SHB: variants seen among roughly 807,000 people sequenced by gnomAD.
SHB encodes the protein SH2 domain containing adaptor protein B.
In SHB, 20 loss-of-function variants were observed where a neutral mutation model predicts 52.3. That is an observed-to-expected ratio of 0.38 (90% CI 0.27 to 0.56). SHB has a LOEUF of 0.56. SHB is among the 20% of genes least tolerant of loss of function. SHB has a pLI of 0.71. For missense variants in SHB, 825 were observed against 723.3 expected, an observed-to-expected ratio of 1.14 and a Z score of -1.61; for synonymous variants, 397 against 316.5, an observed-to-expected ratio of 1.25 and a Z score of -2.70.
intron 3 of SHB, among the ~76,000 whole-genome samples, chr9:37,966,615 C>A (rs1264380822): frequency 1.3e-5 from 2 of 152,166 alleles, no homozygotes; most frequent in Non-Finnish European, 2.9e-5. Flanking sequence ...GGTACCAACA[C>A]AATTGTTAAT....
chr9:38,000,263 A>G (rs1034641999), intron 2 of SHB, among the ~76,000 whole-genome samples: 5 of 152,252 alleles, frequency 3.3e-5, no homozygotes, highest in Non-Finnish European at 7.3e-5. Flanking sequence ...GCTCTTTGCT[A>G]AAGCAGGGAC....
At chr9:38,019,270 A>G (rs1312039413) in intron 1 of SHB, among the ~76,000 whole-genome samples, 1 of 152,250 alleles carries the variant, frequency 6.6e-6, no homozygotes, top group Non-Finnish European at 1.5e-5. Flanking sequence ...ACCCCAGGTC[A>G]GCCCAAAGCC....
At chr9:38,057,813 TGTACCA>T (rs926130372) in intron 1 of SHB, among the ~76,000 whole-genome samples, 71 of 152,364 alleles carry the variant, frequency 4.7e-4, no homozygotes, top group African/African-American at 1.4e-3. Flanking sequence ...CCATAGCCCA[TGTACCA>T]GTGAACCCAC....
At chr9:38,017,452 T>C (rs1269788302) in intron 1 of SHB, among the ~76,000 whole-genome samples, 1 of 152,208 alleles carries the variant, frequency 6.6e-6, no homozygotes, top group Non-Finnish European at 1.5e-5. Context: ...AAATGGCAGC[T>C]TGTGGCAGCC....
rs532728083 is a variant in SHB at position 38,062,382 on chromosome 9, A to G, written c.717+5547T>C. 1.0e-3 allele frequency among the ~76,000 whole-genome samples: 154 copies of G among 152,264 alleles called. 1 individual carries two copies. Among genetic ancestry groups the G allele is most frequent in the South Asian group, 4.8e-3 (23 of 4,818 alleles). ...CTTGCCTGTATCCCTGCCCTTTGCC[A>G]TGGGACACTGCAGCTCCTCCTCTCT... On this transcript the variant is annotated intron_variant, in intron 1 of 5. Coordinates refer to ENST00000377707, the MANE Select transcript of SHB (RefSeq NM_003028.3).
At chr9:37,930,344 G>A (rs912962981) in intron 5 of SHB, among the ~76,000 whole-genome samples, 4 of 152,120 alleles carry the variant, frequency 2.6e-5, no homozygotes, top group African/African-American at 4.8e-5. Context: ...CCTCTATTGC[G>A]GAGGATTCTC....
intron 1 of SHB, among the ~76,000 whole-genome samples, chr9:38,016,889 C>A (rs1821220838): frequency 6.6e-6 from 1 of 152,224 alleles, no homozygotes; most frequent in Non-Finnish European, 1.5e-5. Flanking sequence ...TAGTCCAGAA[C>A]ACAGCCCCTG....
At position 38,068,831 on chromosome 9, in the gene SHB, G is replaced by C. The variant is rs1422890295; in HGVS notation, c.-186C>G. ...CTCCTGCCGGCAGCTCTCTGGCTCC[G>C]GCGGCTGCAACACCTCCCTCCGCCT... is the stretch of plus-strand genomic sequence containing the variant. On this transcript the variant is annotated 5_prime_UTR_variant, in exon 1 of 6. Transcript: ENST00000377707. 1.3e-5 allele frequency: 2 copies of C among 159,414 alleles called. No homozygotes were observed. Among genetic ancestry groups the C allele is most frequent in the Admixed American group, 6.4e-5 (1 of 15,516 alleles). 9.9% of individuals were successfully genotyped at this position (159,414 alleles called of 1,614,324 possible). A position where few individuals can be genotyped will look rare whatever the true frequency, so the allele number is the denominator to read the frequency against.
intron 2 of SHB, among the ~76,000 whole-genome samples, chr9:37,985,319 C>G (rs1230000831): frequency 6.6e-6 from 1 of 152,268 alleles, no homozygotes; most frequent in Non-Finnish European, 1.5e-5. Flanking sequence ...ATGAGCCCCT[C>G]TGGCCTGAAG....
At chr9:38,057,918 G>A (rs1435701273) in intron 1 of SHB, among the ~76,000 whole-genome samples, 1 of 152,210 alleles carries the variant, frequency 6.6e-6, no homozygotes, top group African/African-American at 2.4e-5. Context: ...TGTCCCTGGA[G>A]ACTTAATCGC....
intron 4 of SHB, among the ~76,000 whole-genome samples, chr9:37,949,358 A>G (rs1032438705): frequency 2.1e-4 from 31 of 146,652 alleles, no homozygotes; most frequent in African/African-American, 7.9e-4. Context: ...ATGCCACTGC[A>G]CTCCAGCCTG....
At chr9:38,040,805 T>TAA (rs1002753933) in intron 1 of SHB, among the ~76,000 whole-genome samples, 15 of 151,896 alleles carry the variant, frequency 9.9e-5, no homozygotes, top group African/African-American at 3.6e-4. Context: ...CTCTAGATGC[T>TAA]AAAGTCTTTG....
chr9:38,047,287 G>A (rs1190925782), intron 1 of SHB, among the ~76,000 whole-genome samples: 2 of 152,230 alleles, frequency 1.3e-5, no homozygotes, highest in Non-Finnish European at 2.9e-5. Flanking sequence ...TGTACCTGAA[G>A]CACCCAGCAG....
At chr9:38,018,043 G>A (rs1587246248) in intron 1 of SHB, among the ~76,000 whole-genome samples, 2 of 152,100 alleles carry the variant, frequency 1.3e-5, no homozygotes, top group East Asian at 3.9e-4. Flanking sequence ...TATTTCTCTT[G>A]TCCCAGATTT....
At chr9:37,928,499 C>A (rs1356620602) in intron 5 of SHB, among the ~76,000 whole-genome samples, 1 of 152,134 alleles carries the variant, frequency 6.6e-6, no homozygotes, top group African/African-American at 2.4e-5. Context: ...ATAGGTGCTA[C>A]TGGCATCTAA....
At chr9:37,967,478 C>A (rs1214707610) in intron 3 of SHB, among the ~76,000 whole-genome samples, 4 of 152,192 alleles carry the variant, frequency 2.6e-5, no homozygotes, top group Admixed American at 6.5e-5. Context: ...TCCGAATAAA[C>A]CAATGTACTC....
chr9:37,931,356 T>G lies in SHB; in HGVS notation c.1347-11352A>C, dbSNP rs530107216. ...CCATGCATCTGATAAAGGGTTAACA[T>G]CCAAAATTTATAAAGGACTCACATA... On this transcript the variant is annotated intron_variant, in intron 5 of 5. Transcript: ENST00000377707. 5.3e-5 allele frequency among the ~76,000 whole-genome samples: 8 copies of G among 152,210 alleles called. No individual in the cohort carries two copies. The East Asian group carries it at 9.6e-4, about 18-fold the overall frequency.
intron 2 of SHB, among the ~76,000 whole-genome samples, chr9:38,000,523 G>A (rs1038465444): frequency 5.9e-5 from 9 of 152,216 alleles, no homozygotes; most frequent in African/African-American, 1.7e-4. Context: ...GCCAGGGGGC[G>A]GGGGCATTCT....
chr9:38,017,476 G>A (rs1190049845), intron 1 of SHB, among the ~76,000 whole-genome samples: 1 of 152,234 alleles, frequency 6.6e-6, no homozygotes, highest in Non-Finnish European at 1.5e-5. Context: ...CTGGCAGGGT[G>A]AGCAAGTGAC....
Sources: allele counts gnomAD v4.1 joint callset (sites outside exome capture counted in the v4.1 genomes callset), GRCh38; gene constraint gnomAD v4.1.1; transcripts MANE v1.5; gene names NCBI Gene and HGNC (gene_info 2026-07-23, HGNC 2026-07-21).